The following ADAMTSL2 variants were observed in gnomAD, a reference collection of about 807,000 sequenced individuals.
ADAMTSL2 encodes the protein ADAMTS-like protein 2.
In ADAMTSL2, 55 loss-of-function variants were observed where a neutral mutation model predicts 117.0. That is an observed-to-expected ratio of 0.47 (90% CI 0.38 to 0.59). The LOEUF (loss-of-function observed/expected upper bound fraction) is 0.59, where lower values mean the gene tolerates loss of function less well. Ranked by LOEUF, ADAMTSL2 falls within the 20% of genes least tolerant of loss-of-function variation. The pLI is 0.00. For missense variants in ADAMTSL2, 1,182 were observed against 1,354.5 expected (o/e 0.87, Z 2.00); for synonymous variants, 572 against 566.4 (o/e 1.01, Z -0.14).
rs1243681178 is a variant in ADAMTSL2, at chr9:133,562,624, G to T, written c.1747+1329G>T. Among the ~76,000 whole-genome samples, 1,092 of 115,016 alleles carry T rather than the reference G, an allele frequency of 9.5e-3. 223 individuals carry two copies. Among genetic ancestry groups the T allele is most frequent in the African/African-American group, 0.02 (608 of 30,048 alleles). The allele number at this position is 115,016 out of a possible 152,430, so 75.5% of individuals were successfully genotyped here. ...TGGGCGGCGTGGCGGGCACCCGGCT[G>T]GGCCCGGTTCGCACCGCCGTGGGCG... On this transcript the variant is annotated intron_variant, in intron 12 of 18. Coordinates refer to ENST00000651351, the MANE Select transcript of ADAMTSL2 (RefSeq NM_014694.4).
chr9:133,558,860 A>C lies in ADAMTSL2; in HGVS notation c.1650-2338A>C, dbSNP rs1199073706. Among the ~76,000 whole-genome samples the C allele has an allele frequency of 6.6e-6, 1 of 152,254 alleles. No homozygotes were observed. Among genetic ancestry groups the C allele is most frequent in the Non-Finnish European group, 1.5e-5 (1 of 68,048 alleles). ...CTGCTAGGCGTTGCATTGTTGTGCA[A>C]ATATATGCAGGGTTATGTTCAAGAG... On this transcript the variant is annotated intron_variant, in intron 11 of 18. Coordinates refer to ENST00000651351, the MANE Select transcript of ADAMTSL2 (RefSeq NM_014694.4). The surrounding 1 kb of genome is among the most constrained non-coding windows in gnomAD (Gnocchi z 4.3).
rs996321817 is a variant in ADAMTSL2, at chr9:133,554,074, T to G, written c.940-283T>G. On this transcript the variant is annotated intron_variant, in intron 9 of 18. Coordinates refer to ENST00000651351, the MANE Select transcript of ADAMTSL2 (RefSeq NM_014694.4). The surrounding 1 kb of genome is among the most constrained non-coding windows in gnomAD (Gnocchi z 5.2). Reference sequence around the variant, plus strand: ...CAGCATGCAGAGACGAGGGCCCACCTGGGCGTGCCTGGAAGACTGTGACGC... The same window carrying G: ...CAGCATGCAGAGACGAGGGCCCACCGGGGCGTGCCTGGAAGACTGTGACGC... Among the ~76,000 whole-genome samples the G allele has an allele frequency of 1.3e-5, 2 of 152,212 alleles. No individual in the cohort carries two copies. The highest frequency in any genetic ancestry group is 4.8e-5 in the African/African-American group (2 of 41,454).
chr9:133,534,591 A>G, upstream of ADAMTSL2: 6 of 1,174,444 alleles, frequency 5.1e-6, no homozygotes, highest in Non-Finnish European at 5.5e-6. Context: ...AGAGCGGGTT[A>G]AAGTGTGCGC....
In ADAMTSL2 at chr9:133,575,220, G is replaced by T; in HGVS notation, c.*356G>T. The T allele has an allele frequency of 9.3e-6, 3 of 323,528 alleles. No homozygotes were observed. The highest frequency in any genetic ancestry group is 1.8e-5 in the Non-Finnish European group (3 of 169,510). 20.0% of individuals were successfully genotyped at this position (323,528 alleles called of 1,614,324 possible). Reference sequence around the variant, plus strand: ...GGTGGAGGTGTCTTGCTCCGGGCCCGTAGCCCACGCCCTCTCTGGGTGGCA... The same window carrying T: ...GGTGGAGGTGTCTTGCTCCGGGCCCTTAGCCCACGCCCTCTCTGGGTGGCA... On this transcript the variant is annotated 3_prime_UTR_variant, in exon 19 of 19. Coordinates refer to ENST00000651351, the MANE Select transcript of ADAMTSL2 (RefSeq NM_014694.4).
Position 133,544,543 on chromosome 9 carries a change from C to T in ADAMTSL2, c.756C>T (p.Asp252=), listed in dbSNP as rs373333467. The change falls in exon 8 of 19, where the codon GAC becomes GAT. Residue 252 remains aspartate (D), a synonymous_variant. Transcript: ENST00000651351. ...IQIVERKKSA[D]VLALADEAGY... ...TTGTAGAGAGGAAGAAGTCCGCTGA[C>T]GTGCTAGGTGGGTACGCAGTGTCTG... 2.2e-5 allele frequency: 36 copies of T among 1,614,002 alleles called. No homozygotes were observed. The highest frequency in any genetic ancestry group is 1.5e-4 in the African/African-American group (11 of 75,064).
In ADAMTSL2 at chr9:133,557,134, T is replaced by A. The variant is rs890271221; in HGVS notation, c.1649+1204T>A. 6.6e-6 allele frequency among the ~76,000 whole-genome samples: 1 copy of A among 152,146 alleles called. No homozygotes were observed. Among genetic ancestry groups the A allele is most frequent in the Non-Finnish European group, 1.5e-5 (1 of 68,022 alleles). On this transcript the variant is annotated intron_variant, in intron 11 of 18. Transcript: ENST00000651351. This position sits in a 1 kb window ranked among gnomAD's most constrained non-coding sequence, Gnocchi z 5.2. Reference sequence around the variant, plus strand: ...CTGAATTTGATGGGAGATTCAGGGTTCACTCTCGAGGTGATGTGGTTTGGG... The same window carrying A: ...CTGAATTTGATGGGAGATTCAGGGTACACTCTCGAGGTGATGTGGTTTGGG...
rs113546561 is a variant in ADAMTSL2, at chr9:133,538,066, CAT to C, written c.234-282_234-281del. On this transcript the variant is annotated intron_variant, in intron 3 of 18. Coordinates refer to ENST00000651351, the MANE Select transcript of ADAMTSL2 (RefSeq NM_014694.4). ...CTCACCTCATGCTTCTGAGAACACACATGTGTGTGCACCTGGGCACAGGCCTG... is the reference window on the plus strand; with the variant it reads ...CTCACCTCATGCTTCTGAGAACACACGTGTGTGCACCTGGGCACAGGCCTG... 3.3e-4 allele frequency among the ~76,000 whole-genome samples: 51 copies of C among 152,366 alleles called. 1 individual carries two copies. The highest frequency in any genetic ancestry group is 1.2e-3 in the South Asian group (6 of 4,834).
chr9:133,574,274 G>A (rs1831177503), intron 18 of ADAMTSL2, among the ~76,000 whole-genome samples: 1 of 152,182 alleles, frequency 6.6e-6, no homozygotes, highest in Admixed American at 6.5e-5. Flanking sequence ...CAGATGGCAG[G>A]GCCACTGTGG....
intron 16 of ADAMTSL2, 82 bp downstream of exon 16, chr9:133,569,660 C>T: frequency 7.3e-7 from 1 of 1,362,958 alleles, no homozygotes; most frequent in Admixed American, 2.0e-5. Flanking sequence ...TGGCTGGGAC[C>T]ACAGATGGGT....
chr9:133,532,186 CTTT>C (rs1196463507), upstream of ADAMTSL2: 1 of 152,080 alleles, frequency 6.6e-6, no homozygotes, highest in Non-Finnish European at 1.5e-5. Context: ...AAATCCCCTT[CTTT>C]TTTTTCTCTC....
chr9:133,535,027 A>T, intron 1 of ADAMTSL2, 110 bp downstream of exon 1: 1 of 1,292,962 alleles, frequency 7.7e-7, no homozygotes, highest in South Asian at 2.3e-5. Context: ...GAGCCGTTAC[A>T]TAACGTGGGG....
chr9:133,554,250 G>T lies in ADAMTSL2; in HGVS notation c.940-107G>T, dbSNP rs1000602352. The T allele has an allele frequency of 2.0e-5, 21 of 1,039,510 alleles. No individual in the cohort carries two copies. Among genetic ancestry groups the T allele is most frequent in the African/African-American group, 3.2e-5 (2 of 62,624 alleles). The allele number at this position is 1,039,510 out of a possible 1,614,324, so 64.4% of individuals were successfully genotyped here. A position where few individuals can be genotyped will look rare whatever the true frequency, so the allele number is the denominator to read the frequency against. Reference sequence around the variant, plus strand: ...TGTCATTCCCTGAGGGGGCTCAACTGCCAGTCACAGCAGGGAACGCACCCT... The same window carrying T: ...TGTCATTCCCTGAGGGGGCTCAACTTCCAGTCACAGCAGGGAACGCACCCT... On this transcript the variant is annotated intron_variant, in intron 9 of 18. Transcript: ENST00000651351. This position sits in a 1 kb window ranked among gnomAD's most constrained non-coding sequence, Gnocchi z 5.2.
At chr9:133,548,780 G>A (rs9775946) in intron 9 of ADAMTSL2, among the ~76,000 whole-genome samples, 128,258 of 151,908 alleles carry the variant, frequency 0.84, 54,919 homozygotes, top group Non-Finnish European at 0.92. Context: ...GAACTGTTGC[G>A]CACCCACCCC....
chr9:133,539,324 A>G (rs1830136484), intron 4 of ADAMTSL2, among the ~76,000 whole-genome samples: 1 of 152,054 alleles, frequency 6.6e-6, no homozygotes, highest in Non-Finnish European at 1.5e-5. Context: ...GTTCCTCTTT[A>G]TGGAGTCAGG....
At chr9:133,541,292 C>G (rs894818705) in intron 7 of ADAMTSL2, among the ~76,000 whole-genome samples, 1 of 143,782 alleles carries the variant, frequency 7.0e-6, no homozygotes, top group East Asian at 2.0e-4. Context: ...AACAATGCAC[C>G]TTTTTTTTTT....
intron 17 of ADAMTSL2, among the ~76,000 whole-genome samples, chr9:133,571,069 A>G (rs1333114335): frequency 6.6e-6 from 1 of 152,080 alleles, no homozygotes; most frequent in Non-Finnish European, 1.5e-5. Flanking sequence ...TCAGGATGTG[A>G]GGCAGGACTA....
intron 13 of ADAMTSL2, among the ~76,000 whole-genome samples, chr9:133,567,357 C>T (rs1830998838): frequency 6.6e-6 from 1 of 152,250 alleles, no homozygotes; most frequent in Non-Finnish European, 1.5e-5. Flanking sequence ...CTTTGCCCCA[C>T]CAGGCCCACT....
chr9:133,540,883 C>T lies in ADAMTSL2; in HGVS notation c.564C>T (p.Ile188=), dbSNP rs763854101. ...CTCCCTCTCCCTTCCTGCAGCCCAT[C>T]GGCTGTGACGGGGTGCTTTTCTCCA... is the stretch of plus-strand genomic sequence containing the variant. ...GVCVSGKCEP[I]GCDGVLFSTH... is the part of the protein sequence containing the mutation. Residue 188 remains isoleucine, a synonymous_variant, in exon 7 of 19, where the codon ATC becomes ATT. Transcript: ENST00000651351. 2.1e-5 allele frequency: 34 copies of T among 1,613,302 alleles called. No individual in the cohort carries two copies. In the South Asian group the frequency reaches 2.2e-4, roughly 10 times the overall value.
chr9:133,569,674 A>G, intron 16 of ADAMTSL2, 96 bp downstream of exon 16: 1 of 1,265,072 alleles, frequency 7.9e-7, no homozygotes, highest in South Asian at 1.3e-5. Flanking sequence ...GATGGGTGAA[A>G]AAGAGGAATT....
Sources: gnomAD v4.1 joint callset for allele counts (sites outside exome capture counted in the v4.1 genomes callset) on GRCh38, gnomAD v4.1.1 for gene constraint, Gnocchi (gnomAD v3.1) non-coding constraint, MANE v1.5 for transcripts, NCBI Gene and HGNC (gene_info 2026-07-23, HGNC 2026-07-21) for gene names.